PPP4R3A: variants seen among roughly 807,000 people sequenced by gnomAD.
The protein encoded by PPP4R3A is protein phosphatase 4 regulatory subunit 3A.
In PPP4R3A, 15 loss-of-function variants were observed where a neutral mutation model predicts 91.7. The ratio of observed to expected loss-of-function variants is 0.16; its 90% CI spans 0.11 to 0.25. PPP4R3A has a LOEUF of 0.25. Ranked by LOEUF, PPP4R3A falls within the 10% of genes least tolerant of loss-of-function variation. The pLI is 1.00. For missense variants in PPP4R3A, 623 were observed against 998.4 expected, an observed-to-expected ratio of 0.62 and a Z score of 5.07; for synonymous variants, 377 against 348.7, an observed-to-expected ratio of 1.08 and a Z score of -0.91.
chr14:91,493,240 T>C lies in PPP4R3A; in HGVS notation c.143-2438A>G, dbSNP rs562901667. ...CCCATCTGTACTAAAAATACAAAAA[T>C]TAGCCGGGCATGGTTGCTGTGAGCT... On this transcript the variant is annotated intron_variant, in intron 1 of 14. Transcript: ENST00000554943. Among the ~76,000 whole-genome samples, 110 of 143,636 alleles carry C rather than the reference T, an allele frequency of 7.7e-4. 4 individuals are homozygous for C. Among genetic ancestry groups the C allele is most frequent in the African/African-American group, 3.1e-3 (105 of 33,910 alleles). 94.2% of individuals were successfully genotyped at this position (143,636 alleles called of 152,430 possible). A position where few individuals can be genotyped will look rare whatever the true frequency, so the allele number is the denominator to read the frequency against.
chr14:91,463,654 GTC>G (rs1486741734), intron 11 of PPP4R3A, among the ~76,000 whole-genome samples: 1 of 151,964 alleles, frequency 6.6e-6, no homozygotes, highest in African/African-American at 2.4e-5. Context: ...GCCCAAGCTA[GTC>G]TCTAACTCCT....
intron 14 of PPP4R3A, 93 bp from the exon 15 acceptor site, chr14:91,458,962 A>ACCGTT: frequency 7.2e-7 from 1 of 1,381,864 alleles, no homozygotes; most frequent in Non-Finnish European, 9.7e-7. Flanking sequence ...AGATCCTACC[A>ACCGTT]ACATAGTAAC....
chr14:91,507,084 C>T (rs186872427), intron 1 of PPP4R3A, among the ~76,000 whole-genome samples: 529 of 151,766 alleles, frequency 3.5e-3, no homozygotes, highest in Non-Finnish European at 5.9e-3. Flanking sequence ...TTTGGGAGGC[C>T]GAGGCGGGTG....
At chr14:91,461,346 G>A (rs770385815) in intron 14 of PPP4R3A, 35 bp downstream of exon 14, 1 of 1,578,112 alleles carries the variant, frequency 6.3e-7, no homozygotes, top group African/African-American at 1.4e-5. Flanking sequence ...CTTCAATTGG[G>A]AAAAAAGGGG....
intron 3 of PPP4R3A, among the ~76,000 whole-genome samples, chr14:91,483,524 T>C (rs1046497223): frequency 6.6e-6 from 1 of 152,138 alleles, no homozygotes; most frequent in Admixed American, 6.6e-5. Flanking sequence ...TATGACTTTA[T>C]CCACAGAAAA....
At chr14:91,467,802 A>T (rs1320944214) in intron 10 of PPP4R3A, among the ~76,000 whole-genome samples, 2 of 152,226 alleles carry the variant, frequency 1.3e-5, no homozygotes, top group Non-Finnish European at 2.9e-5. Context: ...AATATAAAAA[A>T]ATTAAAAGCT....
intron 5 of PPP4R3A, 112 bp downstream of exon 5, chr14:91,476,797 C>T: frequency 1.1e-6 from 1 of 871,420 alleles, no homozygotes; most frequent in Non-Finnish European, 1.8e-6. Flanking sequence ...AAACTTCTGA[C>T]CTCGTGATCC....
At chr14:91,465,126 A>T in intron 11 of PPP4R3A, 124 bp downstream of exon 11, 1 of 708,112 alleles carries the variant, frequency 1.4e-6, no homozygotes, top group Non-Finnish European at 2.0e-6. Context: ...ACAGGCTTTT[A>T]GTACTTTTTT....
intron 1 of PPP4R3A, among the ~76,000 whole-genome samples, chr14:91,504,752 G>C (rs1184032078): frequency 6.6e-6 from 1 of 152,172 alleles, no homozygotes; most frequent in Non-Finnish European, 1.5e-5. Context: ...GGTAGGTTGA[G>C]TGCCAAGTTA....
intron 1 of PPP4R3A, among the ~76,000 whole-genome samples, chr14:91,507,353 A>ATG (rs1891368012): frequency 1.1e-5 from 1 of 92,590 alleles, no homozygotes; most frequent in South Asian, 3.1e-4. Flanking sequence ...TATATATACT[A>ATG]TATAGTATAT....
In PPP4R3A at chr14:91,458,872, G is replaced by A; in HGVS notation, c.2392-3C>T. 6.2e-7 allele frequency: 1 copy of A among 1,602,646 alleles called. No individual in the cohort carries two copies. The highest frequency in any genetic ancestry group is 8.5e-7 in the Non-Finnish European group (1 of 1,174,904). On this transcript the variant is annotated splice_region_variant and splice_polypyrimidine_tract_variant and intron_variant, in intron 14 of 14. Transcript: ENST00000554943. ...TCTACCAGACCCACGAGGCCTCCCT[G>A]TTAAGAAATAAGGATTATTTAAAGA... is the stretch of plus-strand genomic sequence containing the variant.
intron 1 of PPP4R3A, among the ~76,000 whole-genome samples, chr14:91,495,302 A>ACGTGTGTGTGTGTGTGTGTG (rs150680374): frequency 7.1e-6 from 1 of 140,870 alleles, no homozygotes; most frequent in African/African-American, 2.6e-5. Context: ...CAGATACATA[A>ACGTGTGTGTGTGTGTGTGTG]TGTGTGTGTG....
chr14:91,496,411 TAAAACAA>T (rs931811539), intron 1 of PPP4R3A, among the ~76,000 whole-genome samples: 1 of 152,160 alleles, frequency 6.6e-6, no homozygotes, highest in Non-Finnish European at 1.5e-5. Flanking sequence ...TTACAGTCAC[TAAAACAA>T]AAAACACGGC....
intron 2 of PPP4R3A, among the ~76,000 whole-genome samples, chr14:91,486,201 T>C (rs575954471): frequency 1.3e-5 from 2 of 152,330 alleles, no homozygotes; most frequent in East Asian, 1.9e-4. Context: ...CTTGAAATTA[T>C]TGGCTACATT....
intron 1 of PPP4R3A, among the ~76,000 whole-genome samples, chr14:91,505,444 T>TTAAAA (rs768013189): frequency 2.5e-5 from 1 of 39,720 alleles, no homozygotes. Context: ...AGATTCTGCC[T>TTAAAA]AAAAAAAAAA....
At chr14:91,460,031 A>AGAT (rs1434844406) in intron 14 of PPP4R3A, among the ~76,000 whole-genome samples, 1 of 151,638 alleles carries the variant, frequency 6.6e-6, no homozygotes, top group Non-Finnish European at 1.5e-5. Flanking sequence ...TTATTTTTTG[A>AGAT]GATGGAGTCT....
At chr14:91,469,422 G>C (rs1015120520) in intron 10 of PPP4R3A, among the ~76,000 whole-genome samples, 1 of 152,094 alleles carries the variant, frequency 6.6e-6, no homozygotes, top group African/African-American at 2.4e-5. Flanking sequence ...ACAAGTCAAA[G>C]AGCTATAAAC....
At chr14:91,501,871 ATTTTTTTTTTTTTT>A (rs755484959) in intron 1 of PPP4R3A, among the ~76,000 whole-genome samples, 5 of 100,238 alleles carry the variant, frequency 5.0e-5, no homozygotes, top group African/African-American at 1.9e-4. Flanking sequence ...AGCCCGGCTA[ATTTTTTTTTTTTTT>A]TTTTTTTTTG....
chr14:91,472,820 A>G (rs556880465), intron 9 of PPP4R3A, among the ~76,000 whole-genome samples: 15 of 60,748 alleles, frequency 2.5e-4, no homozygotes, highest in Non-Finnish European at 2.8e-4. Flanking sequence ...TGCTTTTGAT[A>G]AAAACAACCA....
Sources: allele counts gnomAD v4.1 joint callset (sites outside exome capture counted in the v4.1 genomes callset), GRCh38; gene constraint gnomAD v4.1.1; transcripts MANE v1.5; gene names NCBI Gene and HGNC (gene_info 2026-07-23, HGNC 2026-07-21).